Variants in THOC7 observed in about 807,000 individuals in gnomAD.
The protein encoded by THOC7 is NIF3L1-binding protein 1.
THOC7 carries 22 observed loss-of-function variants against 33.1 expected under a neutral mutation model. The observed-to-expected ratio is 0.66, with a 90% CI of 0.47 to 0.95. THOC7 has a LOEUF of 0.95. THOC7 is among the 40% of genes least tolerant of loss of function. The pLI is 0.00. For missense variants in THOC7, 184 were observed against 245.3 expected (o/e 0.75, Z 1.67); for synonymous variants, 77 against 76.8 (o/e 1.00, Z -0.01).
At chr3:63,835,486 A>G in intron 5 of THOC7, 96 bp from the exon 6 acceptor site, 1 of 1,123,038 alleles carries the variant, frequency 8.9e-7, no homozygotes, top group Non-Finnish European at 1.3e-6. Flanking sequence ...GATTTTTAAA[A>G]TAAAAAAAGG....
intron 1 of THOC7, among the ~76,000 whole-genome samples, chr3:63,859,138 C>T (rs1199535543): frequency 3.3e-5 from 5 of 152,224 alleles, no homozygotes; most frequent in Non-Finnish European, 7.3e-5. Flanking sequence ...ACACTAACAT[C>T]GCTCTAATCC....
intron 1 of THOC7, among the ~76,000 whole-genome samples, chr3:63,855,112 G>C (rs1211816381): frequency 6.6e-6 from 1 of 152,036 alleles, no homozygotes; most frequent in African/African-American, 2.4e-5. Context: ...ATGAGGCAGG[G>C]GCATGAGATA....
chr3:63,834,854 T>C (rs1205206058), intron 7 of THOC7, among the ~76,000 whole-genome samples: 23 of 152,154 alleles, frequency 1.5e-4, no homozygotes, highest in Non-Finnish European at 1.5e-5. Context: ...GCCTGGGTCC[T>C]GAGTTGTTAT....
chr3:63,863,629 G>A, intron 1 of THOC7, 143 bp downstream of exon 1: 5 of 1,203,848 alleles, frequency 4.2e-6, no homozygotes, highest in Non-Finnish European at 2.1e-6. Context: ...GGGCTCCGGG[G>A]AGAGGTCGGG....
intron 1 of THOC7, 181 bp downstream of exon 1, chr3:63,863,591 G>A: frequency 1.7e-6 from 2 of 1,198,210 alleles, no homozygotes; most frequent in Non-Finnish European, 2.1e-6. Context: ...GAGGAGGAAG[G>A]ACTCAGGGAA....
In THOC7 at chr3:63,835,138, G is replaced by A. The variant is rs1434991236; in HGVS notation, c.547+16C>T. The A allele has an allele frequency of 6.2e-7, 1 of 1,611,922 alleles. No individual in the cohort carries two copies. The highest frequency in any genetic ancestry group is 8.5e-7 in the Non-Finnish European group (1 of 1,178,810). ...AAATCTTCATAAGCATTTACTTTGA[G>A]ACTATTTCTACTTACTTTCCAATGT... On this transcript the variant is annotated intron_variant, in intron 7 of 7. Coordinates refer to ENST00000295899, the MANE Select transcript of THOC7 (RefSeq NM_025075.4).
rs754509740 is a variant in THOC7 at position 63,838,423 on chromosome 3, C to A, written c.214G>T (p.Asp72Tyr). The stretch of plus-strand genomic sequence containing the variant: ...TTTTCCATTTCTCTGAGATTCATAT[C>A]ATATACTAGTAAAGTTTTGCCCATT... The part of the protein sequence containing the change: ...FSMGKTLLVY[D>Y]MNLREMENYE... The change falls in exon 3 of 8, where the codon GAT (aspartate) becomes TAT (tyrosine). Residue 72 changes from aspartate (D) to tyrosine (Y), a missense_variant. Physicochemically the swap from Asp to Tyr is radical, Grantham distance 160. Around this residue, in one of 3 missense-constraint regions of THOC7, gnomAD observed 157 missense variants for 201.3 expected, o/e 0.78. Coordinates refer to ENST00000295899, the MANE Select transcript of THOC7 (RefSeq NM_025075.4). 2.6e-5 allele frequency: 42 copies of A among 1,600,056 alleles called. No individual in the cohort carries two copies. The highest frequency in any genetic ancestry group is 3.3e-5 in the Non-Finnish European group (39 of 1,170,308).
At chr3:63,862,002 G>A (rs138064144) in intron 1 of THOC7, among the ~76,000 whole-genome samples, 21 of 152,070 alleles carry the variant, frequency 1.4e-4, no homozygotes, top group African/African-American at 5.1e-4. Flanking sequence ...TGTTTTCCAG[G>A]CTGGTCTTGA....
In THOC7 at chr3:63,837,996, C is replaced by T. The variant is rs201991362; in HGVS notation, c.332G>A (p.Arg111Gln). The T allele has an allele frequency of 2.4e-5, 39 of 1,607,530 alleles. No homozygotes were observed. Among genetic ancestry groups the T allele is most frequent in the Admixed American group, 1.2e-4 (7 of 58,404 alleles). The change falls in exon 4 of 8, where the codon CGA becomes CAA. Residue 111 changes from arginine to glutamine, a missense_variant. By Grantham distance (43) the Arg-to-Gln change is conservative (BLOSUM62 1). This residue lies in a region of THOC7 where 157 missense variants were observed against 201.3 expected (regional missense o/e 0.78). Coordinates refer to ENST00000295899, the MANE Select transcript of THOC7 (RefSeq NM_025075.4). ...CTTACCTTGGCGATTTTTTCGTATT[C>T]GTTTTGCTTGAAGAATTTGCTTTTT... is the stretch of plus-strand genomic sequence containing the variant. The part of the protein sequence containing the change: ...ECKKQILQAK[R>Q]IRKNRQEYDA...
chr3:63,834,442 C>T (rs1320241544), intron 7 of THOC7, among the ~76,000 whole-genome samples: 1 of 151,724 alleles, frequency 6.6e-6, no homozygotes, highest in Non-Finnish European at 1.5e-5. Flanking sequence ...GGTGGATCAC[C>T]TGAGGTCAGG....
At chr3:63,863,676 C>T (rs1050343371) in intron 1 of THOC7, 96 bp downstream of exon 1, 1 of 1,235,288 alleles carries the variant, frequency 8.1e-7, no homozygotes, top group East Asian at 3.2e-5. Context: ...CCGGGGAGGC[C>T]GAGGGGTTCC....
At chr3:63,838,712 G>A (rs1701688413) in intron 2 of THOC7, among the ~76,000 whole-genome samples, 2 of 151,796 alleles carry the variant, frequency 1.3e-5, no homozygotes, top group African/African-American at 4.8e-5. Context: ...ATGCAAAGGT[G>A]GGATTGTTGT....
chr3:63,861,233 G>T (rs550979915), intron 1 of THOC7, among the ~76,000 whole-genome samples: 1 of 151,936 alleles, frequency 6.6e-6, no homozygotes, highest in South Asian at 2.1e-4. Context: ...TTAAGGATGT[G>T]GGGGGGCACT....
chr3:63,837,152 A>G (rs1329750634), intron 4 of THOC7, among the ~76,000 whole-genome samples: 1 of 152,012 alleles, frequency 6.6e-6, no homozygotes, highest in Non-Finnish European at 1.5e-5. Context: ...TCAAAGTATG[A>G]TTCTTTTGGA....
intron 1 of THOC7, among the ~76,000 whole-genome samples, chr3:63,857,797 A>G (rs936334364): frequency 2.0e-5 from 3 of 152,226 alleles, no homozygotes; most frequent in African/African-American, 7.2e-5. Context: ...AGGAAAATAA[A>G]TGCAAAACAT....
rs1245589174 is a variant in THOC7, at chr3:63,836,686, A to C, written c.353-328T>G. On this transcript the variant is annotated intron_variant, in intron 4 of 7. Transcript: ENST00000295899. ...ACTGATTCTGAGAAGGATCTTACTCACTAGTTGTCCAAAAAGTAAAATAAA... is the reference window on the plus strand; with the variant it reads ...ACTGATTCTGAGAAGGATCTTACTCCCTAGTTGTCCAAAAAGTAAAATAAA... Among the ~76,000 whole-genome samples, 3 of 152,018 alleles carry C rather than the reference A, an allele frequency of 2.0e-5. No individual in the cohort carries two copies. The South Asian group carries it at 6.2e-4, about 31-fold the overall frequency.
chr3:63,835,107 T>C lies in THOC7; in HGVS notation c.547+47A>G, dbSNP rs1436592577. The stretch of plus-strand genomic sequence containing the variant: ...TTTCAAAAGGTACATCCCTGGGTCA[T>C]TTAAAAAATCTTCATAAGCATTTAC... On this transcript the variant is annotated intron_variant, in intron 7 of 7. Coordinates refer to ENST00000295899, the MANE Select transcript of THOC7 (RefSeq NM_025075.4). 3.8e-6 allele frequency: 6 copies of C among 1,584,772 alleles called. No individual in the cohort carries two copies. In the East Asian group the frequency reaches 1.1e-4, roughly 30 times the overall value.
rs1474911639 is a variant in THOC7 at position 63,851,944 on chromosome 3, A to G, written c.19+11828T>C. The stretch of plus-strand genomic sequence containing the variant: ...ACCACAGACCCAGGCCCAGAACTAT[A>G]GGCGGGTAGAATGGTTTTGGAGGAC... On this transcript the variant is annotated intron_variant, in intron 1 of 7. Transcript: ENST00000295899. Among the ~76,000 whole-genome samples, 5 of 152,286 alleles carry G rather than the reference A, an allele frequency of 3.3e-5. No homozygotes were observed. In the East Asian group the frequency reaches 9.6e-4, roughly 29 times the overall value.
At chr3:63,839,114 T>TG (rs1024490416) in intron 2 of THOC7, among the ~76,000 whole-genome samples, 1 of 151,970 alleles carries the variant, frequency 6.6e-6, no homozygotes, top group Non-Finnish European at 1.5e-5. Flanking sequence ...TGCTTGAACC[T>TG]GGGGGGCGGA....
Sources: allele counts gnomAD v4.1 joint callset (sites outside exome capture counted in the v4.1 genomes callset), GRCh38; gene constraint gnomAD v4.1.1; regional missense constraint gnomAD v4.1.1; transcripts MANE v1.5; gene names NCBI Gene and HGNC (gene_info 2026-07-23, HGNC 2026-07-21).